Variants in WSB1 observed in about 807,000 individuals in gnomAD.
The protein encoded by WSB1 is WD repeat and SOCS box-containing protein 1.
Under a neutral mutation model 50.2 loss-of-function variants are expected in WSB1, and 23 were observed. The ratio of observed to expected loss-of-function variants is 0.46; its 90% CI spans 0.33 to 0.65. WSB1 has a LOEUF of 0.65. Ranked by LOEUF, WSB1 falls within the 30% of genes least tolerant of loss-of-function variation. The pLI is 0.02. For missense variants in WSB1, 492 were observed against 522.3 expected (o/e 0.94, Z 0.56); for synonymous variants, 179 against 172.0 (o/e 1.04, Z -0.32).
At chr17:27,308,533 G>C (rs2017548195) in intron 5 of WSB1, 1 of 985,632 alleles carries the variant, frequency 1.0e-6, no homozygotes, top group Non-Finnish European at 1.2e-6. Flanking sequence ...TAACATCCTT[G>C]TTGTTTGCCA....
chr17:27,310,143 G>GA lies in WSB1; in HGVS notation c.967_968insA (p.Gly323GlufsTer9). 6.2e-7 allele frequency: 1 copy of GA among 1,614,026 alleles called. No homozygotes were observed. Among genetic ancestry groups the GA allele is most frequent in the Non-Finnish European group, 8.5e-7 (1 of 1,179,928 alleles). On this transcript the variant is annotated frameshift_variant, in exon 7 of 9. Coordinates refer to ENST00000262394, the MANE Select transcript of WSB1 (RefSeq NM_015626.10). LOFTEE classifies it high-confidence loss of function. ...ACGATCTGTATCTTTTAGCCATGAT[G>GA]GACTGCATGTTGCAAGCCTTGCTGA... is the stretch of plus-strand genomic sequence containing the variant.
chr17:27,313,498 G>C lies in WSB1; in HGVS notation c.*1129G>C, dbSNP rs1036604146. The C allele has an allele frequency of 3.3e-5, 5 of 151,336 alleles. No homozygotes were observed. Among genetic ancestry groups the C allele is most frequent in the African/African-American group, 1.2e-4 (5 of 41,082 alleles). The allele number at this position is 151,336 out of a possible 1,614,324, so 9.4% of individuals were successfully genotyped here. On this transcript the variant is annotated 3_prime_UTR_variant, in exon 9 of 9. Coordinates refer to ENST00000262394, the MANE Select transcript of WSB1 (RefSeq NM_015626.10). ...ATGATATTGGTGAGTTGCCAAAGAAGCAATACAGCATATCTGCTTTTGCCT... is the reference window on the plus strand; with the variant it reads ...ATGATATTGGTGAGTTGCCAAAGAACCAATACAGCATATCTGCTTTTGCCT...
chr17:27,308,530 CTTG>C, intron 5 of WSB1: 1 of 985,480 alleles, frequency 1.0e-6, no homozygotes, highest in Non-Finnish European at 1.2e-6. Context: ...GTTTAACATC[CTTG>C]TTGTTTGCCA....
chr17:27,310,192 A>C lies in WSB1; in HGVS notation c.998+18A>C, dbSNP rs759468976. The C allele has an allele frequency of 5.6e-6, 9 of 1,604,776 alleles. No homozygotes were observed. Among genetic ancestry groups the C allele is most frequent in the South Asian group, 1.1e-5 (1 of 90,856 alleles). On this transcript the variant is annotated intron_variant, in intron 7 of 8. Transcript: ENST00000262394. ...GATGATAAGTAAGTATGTGCATTAT[A>C]GCTTGACTGACTTACTATTACCTTT...
chr17:27,312,253 G>T lies in WSB1; in HGVS notation c.1150G>T (p.Val384Phe). The T allele has an allele frequency of 6.2e-7, 1 of 1,614,076 alleles. No individual in the cohort carries two copies. Among genetic ancestry groups the T allele is most frequent in the Non-Finnish European group, 8.5e-7 (1 of 1,180,020 alleles). The change falls in exon 9 of 9, where the codon GTC becomes TTC. Residue 384 changes from valine to phenylalanine, a missense_variant. Coordinates refer to ENST00000262394, the MANE Select transcript of WSB1 (RefSeq NM_015626.10). ...GTATTTTTGGGCCACTCCACGGCAG[G>T]TCCCTAGCCTGCAACATTTATGTCG... Reference protein sequence around the residue: ...SVYFWATPRQVPSLQHLCRMS... With the variant: ...SVYFWATPRQFPSLQHLCRMS...
intron 3 of WSB1, 31 bp downstream of exon 3, chr17:27,303,666 A>G: frequency 6.2e-7 from 1 of 1,603,114 alleles, no homozygotes; most frequent in Non-Finnish European, 8.5e-7. Context: ...AAGCAAATGT[A>G]TTATTTTATG....
intron 5 of WSB1, chr17:27,307,796 C>T (rs1166801444): frequency 6.5e-7 from 1 of 1,533,488 alleles, no homozygotes; most frequent in Non-Finnish European, 8.7e-7. Context: ...CACTCGCACA[C>T]AGGCGCACAA....
intron 1 of WSB1, among the ~76,000 whole-genome samples, chr17:27,297,973 G>A (rs553409306): frequency 6.6e-6 from 1 of 151,830 alleles, no homozygotes; most frequent in South Asian, 2.1e-4. Flanking sequence ...GCTGGGCGTG[G>A]TGGTGGGCAT....
intron 7 of WSB1, among the ~76,000 whole-genome samples, chr17:27,310,379 A>G (rs1357680033): frequency 6.6e-6 from 1 of 152,210 alleles, no homozygotes; most frequent in Non-Finnish European, 1.5e-5. Flanking sequence ...TTCCTTGTTT[A>G]ACTTGTTTAG....
intron 3 of WSB1, among the ~76,000 whole-genome samples, chr17:27,304,402 A>G (rs1477902744): frequency 6.6e-6 from 1 of 152,090 alleles, no homozygotes; most frequent in Non-Finnish European, 1.5e-5. Flanking sequence ...AATAACAAGC[A>G]AAGAAATAAT....
In WSB1 at chr17:27,303,418, A is replaced by G. The variant is rs1246591518; in HGVS notation, c.261A>G (p.Pro87=). The G allele has an allele frequency of 6.2e-7, 1 of 1,614,114 alleles. No individual in the cohort carries two copies. Among genetic ancestry groups the G allele is most frequent in the East Asian group, 2.2e-5 (1 of 44,872 alleles). The change falls in exon 3 of 9, where the codon CCA becomes CCG. Residue 87 remains proline (P), a synonymous_variant. Transcript: ENST00000262394. ...NVTNSSSLRL[P]RQNSDGGQKN... is the part of the protein sequence containing the mutation. ...CCAATTCAAGCAGTTTAAGATTGCC[A>G]AGACAAAATAGTGATGGTGGTCAGA...
chr17:27,295,979 A>G (rs997719637), intron 1 of WSB1, among the ~76,000 whole-genome samples: 3 of 152,038 alleles, frequency 2.0e-5, no homozygotes, highest in African/African-American at 7.2e-5. Flanking sequence ...GTGGGATTAC[A>G]GGCATGCACA....
chr17:27,295,198 A>G (rs1455322323), intron 1 of WSB1, among the ~76,000 whole-genome samples: 1 of 152,214 alleles, frequency 6.6e-6, no homozygotes, highest in Non-Finnish European at 1.5e-5. Context: ...AAAGTAAAAT[A>G]ACTGGAACAA....
Position 27,301,900 on chromosome 17 carries a change from G to T in WSB1, c.153G>T (p.Trp51Cys), listed in dbSNP as rs750260115. 1 of 1,613,124 alleles carries T rather than the reference G, an allele frequency of 6.2e-7. No individual in the cohort carries two copies. The highest frequency in any genetic ancestry group is 2.2e-5 in the East Asian group (1 of 44,850). Residue 51 changes from tryptophan (W) to cysteine (C), a missense_variant, in exon 2 of 9, where the codon TGG becomes TGT. Transcript: ENST00000262394. The part of the protein sequence containing the change: ...AFAPDGSYFA[W>C]SQGHRTVKLV... ...CTCCAGATGGTTCATACTTTGCTTG[G>T]TCACAAGGACATCGCACAGTAAAGC...
chr17:27,303,172 T>C lies in WSB1; in HGVS notation c.210-195T>C, dbSNP rs146128453. ...ATTGTTGAACTTACTACTCAGTCAC[T>C]GAGAATTTCTATTAATGTCCTTCTC... On this transcript the variant is annotated intron_variant, in intron 2 of 8. Transcript: ENST00000262394. 5.1e-4 allele frequency: 292 copies of C among 577,236 alleles called. 1 individual carries two copies. In the African/African-American group the frequency reaches 5.3e-3, roughly 10 times the overall value. 35.8% of individuals were successfully genotyped at this position (577,236 alleles called of 1,614,324 possible).
rs1462724430 is a variant in WSB1, at chr17:27,311,546, G to T, written c.1036G>T (p.Val346Leu). The change falls in exon 8 of 9, where the codon GTG becomes TTG. Residue 346 changes from valine to leucine, a missense_variant. Physicochemically the swap from Val to Leu is conservative, Grantham distance 32. Transcript: ENST00000262394. ...RFWRIDEDYP[V>L]QVAPLSNGLC... The stretch of plus-strand genomic sequence containing the variant: ...CTGGAGAATTGATGAGGATTATCCA[G>T]TGCAAGTTGCACCTTTGAGCAATGG... 1 of 1,610,200 alleles carries T rather than the reference G, an allele frequency of 6.2e-7. No homozygotes were observed. The highest frequency in any genetic ancestry group is 8.5e-7 in the Non-Finnish European group (1 of 1,178,370).
chr17:27,302,274 G>C (rs1009613649), intron 2 of WSB1, among the ~76,000 whole-genome samples: 2 of 151,978 alleles, frequency 1.3e-5, no homozygotes, highest in African/African-American at 4.8e-5. Context: ...AGCTGGGCGT[G>C]GTGTGGCACA....
chr17:27,303,592 AG>A lies in WSB1; in HGVS notation c.438del (p.Leu147Ter), dbSNP rs1269576028. 6.2e-7 allele frequency: 1 copy of A among 1,614,090 alleles called. No homozygotes were observed. Among genetic ancestry groups the A allele is most frequent in the African/African-American group, 1.3e-5 (1 of 74,952 alleles). On this transcript the variant is annotated frameshift_variant, in exon 3 of 9. Coordinates refer to ENST00000262394, the MANE Select transcript of WSB1 (RefSeq NM_015626.10). LOFTEE classifies it high-confidence loss of function. ...FGQDQLLLAT[G>X]LNNGRIKIWD... is the part of the protein sequence containing the mutation. ...GACAAGATCAGCTACTTCTTGCTAC[AG>A]GGTTGAACAATGGGCGTATCAAAAT...
rs180993986 is a variant in WSB1 at position 27,299,195 on chromosome 17, A to G, written c.41-2593A>G. On this transcript the variant is annotated intron_variant, in intron 1 of 8. Coordinates refer to ENST00000262394, the MANE Select transcript of WSB1 (RefSeq NM_015626.10). ...TTGTATGTTAAAGGTATCTGCAGGC[A>G]TTTGAGGGTCACCAAGTTTGTGAAT... Among the ~76,000 whole-genome samples the G allele has an allele frequency of 1.5e-3, 235 of 152,336 alleles. 1 individual carries two copies. Among genetic ancestry groups the G allele is most frequent in the Non-Finnish European group, 1.3e-3 (88 of 68,036 alleles).
Sources: allele counts gnomAD v4.1 joint callset (sites outside exome capture counted in the v4.1 genomes callset), GRCh38; gene constraint gnomAD v4.1.1; transcripts MANE v1.5; gene names NCBI Gene and HGNC (gene_info 2026-07-23, HGNC 2026-07-21).